XIRP2: variants seen among roughly 807,000 people sequenced by gnomAD.
XIRP2 encodes the protein xin actin binding repeat containing 2.
Under a neutral mutation model 277.0 loss-of-function variants are expected in XIRP2, and 236 were observed. That is an observed-to-expected ratio of 0.85 (90% CI 0.77 to 0.95). The LOEUF (loss-of-function observed/expected upper bound fraction) is 0.95. Ranked by LOEUF, XIRP2 falls within the 40% of genes least tolerant of loss-of-function variation. The probability of loss-of-function intolerance (pLI) is 0.00; values close to 1 mark genes in which losing one functional copy is unlikely to be tolerated. For synonymous variants in XIRP2, 1,490 were observed against 1,416.5 expected (o/e 1.05, Z -1.17); for missense variants, 4,640 against 4,157.5 (o/e 1.12, Z -3.19).
At chr2:167,084,145 C>G (rs1689844314) in intron 2 of XIRP2, among the ~76,000 whole-genome samples, 1 of 152,110 alleles carries the variant, frequency 6.6e-6, no homozygotes, top group Non-Finnish European at 1.5e-5. Context: ...GAGTTTTTAG[C>G]ATGAATTGTT....
chr2:167,220,536 C>G (rs1694390771), intron 5 of XIRP2, among the ~76,000 whole-genome samples: 1 of 152,208 alleles, frequency 6.6e-6, no homozygotes, highest in Non-Finnish European at 1.5e-5. Flanking sequence ...TATCAGATTT[C>G]TTCTTCTTAA....
rs745311034 is a variant in XIRP2 at position 167,218,257 on chromosome 2, C to T, written c.815C>T (p.Thr272Ile). 9 of 1,606,400 alleles carry T rather than the reference C, an allele frequency of 5.6e-6. No individual in the cohort carries two copies. Among genetic ancestry groups the T allele is most frequent in the East Asian group, 2.2e-5 (1 of 44,616 alleles). ...FEDEITSSRN[T>I]FAQYQYQHQN... is the part of the protein sequence containing the mutation. ...GACGAAATTACTTCTTCCCGTAATA[C>T]CTTTGCTCAATACCAATATCAACAT... The change falls in exon 5 of 11, where the codon ACC becomes ATC. Residue 272 changes from threonine to isoleucine, a missense_variant. Coordinates refer to ENST00000409195, the MANE Select transcript of XIRP2 (RefSeq NM_152381.6).
In XIRP2 at chr2:167,126,009, C is replaced by A. The variant is rs76287195; in HGVS notation, c.409-9900C>A. On this transcript the variant is annotated intron_variant, in intron 2 of 10. Coordinates refer to ENST00000409195, the MANE Select transcript of XIRP2 (RefSeq NM_152381.6). ...CATCAGTTGGGGCCACAGAATGGAG[C>A]ACCTACAAATGATCTCTCCAAGTGA... is the stretch of plus-strand genomic sequence containing the variant. Among the ~76,000 whole-genome samples, 44 of 152,204 alleles carry A rather than the reference C, an allele frequency of 2.9e-4. 2 individuals are homozygous for A. The highest frequency in any genetic ancestry group is 2.7e-3 in the Admixed American group (41 of 15,278).
intron 1 of XIRP2, among the ~76,000 whole-genome samples, chr2:166,893,592 T>C (rs1056190189): frequency 1.3e-5 from 2 of 152,184 alleles, no homozygotes; most frequent in Non-Finnish European, 2.9e-5. Flanking sequence ...TTTCCTTTTT[T>C]ACTATCTATA....
chr2:167,026,628 G>A (rs1487205054), intron 2 of XIRP2, among the ~76,000 whole-genome samples: 1 of 152,026 alleles, frequency 6.6e-6, no homozygotes, highest in Non-Finnish European at 1.5e-5. Flanking sequence ...CTTCCTTCAG[G>A]AGCTCTTTTA....
chr2:167,060,047 T>C (rs929421958), intron 2 of XIRP2, among the ~76,000 whole-genome samples: 10 of 152,138 alleles, frequency 6.6e-5, no homozygotes, highest in Non-Finnish European at 1.2e-4. Context: ...GAATGAGTGA[T>C]CCTAGCTAAT....
intron 5 of XIRP2, among the ~76,000 whole-genome samples, chr2:167,226,404 A>C (rs1264115293): frequency 1.3e-5 from 2 of 152,088 alleles, no homozygotes; most frequent in African/African-American, 4.8e-5. Flanking sequence ...GCAGGATCCC[A>C]TGCTCTTTTT....
intron 5 of XIRP2, among the ~76,000 whole-genome samples, chr2:167,227,699 C>T (rs969293720): frequency 3.3e-5 from 5 of 151,530 alleles, no homozygotes; most frequent in Non-Finnish European, 7.4e-5. Flanking sequence ...AAAGTGAGAC[C>T]CTGTCTCAAA....
intron 2 of XIRP2, among the ~76,000 whole-genome samples, chr2:166,940,819 A>T (rs1685687895): frequency 6.6e-6 from 1 of 152,048 alleles, no homozygotes. Context: ...TTCATCTCAG[A>T]GGGGTACCTG....
chr2:167,146,242 G>A (rs369578779), intron 3 of XIRP2, among the ~76,000 whole-genome samples: 1 of 152,134 alleles, frequency 6.6e-6, no homozygotes, highest in East Asian at 1.9e-4. Flanking sequence ...GCTCATGCCT[G>A]TAATCCCAGC....
At chr2:167,176,070 C>A (rs1692836934) in intron 3 of XIRP2, among the ~76,000 whole-genome samples, 1 of 152,172 alleles carries the variant, frequency 6.6e-6, no homozygotes, top group South Asian at 2.1e-4. Flanking sequence ...GGGGTGGGAT[C>A]TGCTGAGCTA....
At chr2:166,909,733 G>A (rs970878964) in intron 2 of XIRP2, among the ~76,000 whole-genome samples, 1 of 152,170 alleles carries the variant, frequency 6.6e-6, no homozygotes, top group Non-Finnish European at 1.5e-5. Flanking sequence ...TGCCCATTTA[G>A]TATGATATTG....
Position 167,028,074 on chromosome 2 carries a change from A to G in XIRP2, c.409-107835A>G, listed in dbSNP as rs532289769. Among the ~76,000 whole-genome samples the G allele has an allele frequency of 2.6e-5, 4 of 152,252 alleles. No homozygotes were observed. The East Asian group carries it at 5.8e-4, about 22-fold the overall frequency. The stretch of plus-strand genomic sequence containing the variant: ...TTACATTAACTCTACTTCTGTAAGC[A>G]TATTTAACATTATGATCAAAAACTA... On this transcript the variant is annotated intron_variant, in intron 2 of 10. Transcript: ENST00000409195.
chr2:166,947,590 A>G (rs1685911494), intron 2 of XIRP2, among the ~76,000 whole-genome samples: 1 of 151,980 alleles, frequency 6.6e-6, no homozygotes, highest in Non-Finnish European at 1.5e-5. Context: ...CCCTTGCCAC[A>G]CACACATTTT....
At chr2:167,237,672 C>T (rs750050833) in intron 5 of XIRP2, among the ~76,000 whole-genome samples, 6 of 152,150 alleles carry the variant, frequency 3.9e-5, no homozygotes, top group Non-Finnish European at 8.8e-5. Flanking sequence ...CAGGCCTCAG[C>T]GGGCATGTAG....
rs767865993 is a variant in XIRP2, at chr2:167,246,160, C to A, written c.4768C>A (p.Gln1590Lys). The A allele has an allele frequency of 1.9e-6, 3 of 1,612,452 alleles. No homozygotes were observed. The highest frequency in any genetic ancestry group is 2.5e-6 in the Non-Finnish European group (3 of 1,179,536). The part of the protein sequence containing the change: ...VRMAKYKLMN[Q>K]ASPEIQKEEI... ...AATGGCAAAATACAAGCTAATGAAC[C>A]AAGCATCTCCTGAGATACAGAAAGA... The change falls in exon 9 of 11, where the codon CAA becomes AAA. Residue 1590 changes from glutamine (Q) to lysine (K), a missense_variant. Transcript: ENST00000409195.
chr2:167,200,586 G>A (rs1693653127), intron 3 of XIRP2, among the ~76,000 whole-genome samples: 1 of 152,102 alleles, frequency 6.6e-6, no homozygotes, highest in African/African-American at 2.4e-5. Context: ...ACAGATAAAC[G>A]AACACTTTAC....
At position 167,218,159 on chromosome 2, in the gene XIRP2, A is replaced by G. The variant is rs554562793; in HGVS notation, c.724-7A>G. Reference sequence around the variant, plus strand: ...GCTGAATTTTCCTTTTTCTTAAATCATCCTAGATGATGGAAGAATCAGAAA... The same window carrying G: ...GCTGAATTTTCCTTTTTCTTAAATCGTCCTAGATGATGGAAGAATCAGAAA... On this transcript the variant is annotated splice_polypyrimidine_tract_variant and splice_region_variant and intron_variant, in intron 4 of 10. Transcript: ENST00000409195. The G allele has an allele frequency of 9.5e-6, 15 of 1,572,776 alleles. No individual in the cohort carries two copies. The highest frequency in any genetic ancestry group is 2.7e-5 in the African/African-American group (2 of 73,450).
At chr2:166,995,721 C>G (rs910622530) in intron 2 of XIRP2, among the ~76,000 whole-genome samples, 3 of 152,176 alleles carry the variant, frequency 2.0e-5, no homozygotes, top group African/African-American at 7.2e-5. Flanking sequence ...AATTTCTTAG[C>G]AGGTGTAGAG....
Sources: allele counts gnomAD v4.1 joint callset (sites outside exome capture counted in the v4.1 genomes callset), GRCh38; gene constraint gnomAD v4.1.1; transcripts MANE v1.5; gene names NCBI Gene and HGNC (gene_info 2026-07-23, HGNC 2026-07-21).